The following L2HGDH variants were observed in gnomAD, a reference collection of about 807,000 sequenced individuals.
L2HGDH encodes L-2-hydroxyglutarate dehydrogenase, mitochondrial.
L2HGDH carries 34 observed loss-of-function variants against 51.5 expected under a neutral mutation model. The ratio of observed to expected loss-of-function variants is 0.66; its 90% CI spans 0.50 to 0.88. L2HGDH has a LOEUF of 0.88. Among genes scored for constraint, L2HGDH ranks in the 40% least tolerant of loss-of-function variants. The pLI, the probability that L2HGDH is intolerant of heterozygous loss-of-function variation, is 0.00. For synonymous variants in L2HGDH, 198 were observed against 197.9 expected (o/e 1.00, Z -0.01); for missense variants, 558 against 571.9 (o/e 0.98, Z 0.25).
intron 5 of L2HGDH, among the ~76,000 whole-genome samples, chr14:50,282,276 C>G (rs1890316682): frequency 6.6e-6 from 1 of 152,100 alleles, no homozygotes; most frequent in Non-Finnish European, 1.5e-5. Context: ...GCCCCAATAT[C>G]AATAGTGTCA....
At chr14:50,303,559 T>G (rs1425272218) in intron 1 of L2HGDH, among the ~76,000 whole-genome samples, 26 of 149,928 alleles carry the variant, frequency 1.7e-4, no homozygotes, top group Admixed American at 1.7e-3. Flanking sequence ...GGTGGATCAC[T>G]TGAGGTTAGG....
intron 4 of L2HGDH, chr14:50,287,165 T>G (rs2139172844): frequency 1.0e-6 from 1 of 983,232 alleles, no homozygotes; most frequent in South Asian, 4.7e-5. Flanking sequence ...CATATCTCAC[T>G]GACCTCATTC....
At chr14:50,264,475 T>C (rs1889224625) in intron 9 of L2HGDH, among the ~76,000 whole-genome samples, 1 of 152,188 alleles carries the variant, frequency 6.6e-6, no homozygotes, top group Admixed American at 6.5e-5. Context: ...TTTCCACTTC[T>C]ATCCTGAAAG....
intron 3 of L2HGDH, among the ~76,000 whole-genome samples, chr14:50,299,511 C>G (rs748015617): frequency 5.3e-5 from 8 of 152,094 alleles, no homozygotes; most frequent in Non-Finnish European, 7.4e-5. Context: ...CAGACAAAGA[C>G]ACATCAAAAA....
intron 3 of L2HGDH, among the ~76,000 whole-genome samples, chr14:50,296,742 TA>T (rs1203489341): frequency 5.3e-5 from 8 of 152,130 alleles, no homozygotes; most frequent in Admixed American, 4.6e-4. Flanking sequence ...AGGCCAATAT[TA>T]GTTTGATACT....
At chr14:50,267,052 T>C (rs1422618581) in intron 8 of L2HGDH, among the ~76,000 whole-genome samples, 2 of 152,170 alleles carry the variant, frequency 1.3e-5, no homozygotes, top group African/African-American at 4.8e-5. Context: ...AGAGAATCTA[T>C]TTCCTCCCCC....
At chr14:50,271,947 C>T (rs920407134) in intron 6 of L2HGDH, among the ~76,000 whole-genome samples, 39 of 152,112 alleles carry the variant, frequency 2.6e-4, no homozygotes, top group Non-Finnish European at 5.0e-4. Flanking sequence ...TCAAGACTAG[C>T]CTGGACAACA....
intron 5 of L2HGDH, among the ~76,000 whole-genome samples, chr14:50,280,035 G>A (rs1308449094): frequency 6.7e-6 from 1 of 149,806 alleles, no homozygotes; most frequent in Non-Finnish European, 1.5e-5. Flanking sequence ...ACTCCAGCCT[G>A]GGCAATAGGG....
At chr14:50,309,465 G>A (rs183378974) in intron 1 of L2HGDH, among the ~76,000 whole-genome samples, 2 of 152,156 alleles carry the variant, frequency 1.3e-5, no homozygotes, top group East Asian at 1.9e-4. Context: ...AGGAGGCTGA[G>A]GCAGGAGAAT....
intron 9 of L2HGDH, among the ~76,000 whole-genome samples, chr14:50,255,151 T>C (rs1376737297): frequency 6.6e-6 from 1 of 152,150 alleles, no homozygotes; most frequent in Non-Finnish European, 1.5e-5. Flanking sequence ...TCATTCCCTT[T>C]TCAAGCACTT....
chr14:50,259,742 G>A (rs1595074867), intron 9 of L2HGDH, among the ~76,000 whole-genome samples: 1 of 151,914 alleles, frequency 6.6e-6, no homozygotes, highest in Admixed American at 6.6e-5. Context: ...GCTGAGGCAG[G>A]AGAGTCACCT....
intron 6 of L2HGDH, among the ~76,000 whole-genome samples, chr14:50,274,920 T>C (rs554443087): frequency 5.0e-4 from 63 of 125,654 alleles, no homozygotes; most frequent in African/African-American, 1.8e-3. Context: ...TCTAAAAAAG[T>C]TGAACTCATA....
rs1887871073 is a variant in L2HGDH, at chr14:50,243,338, T to C, written c.*3720A>G. The C allele has an allele frequency of 2.0e-6, 2 of 984,762 alleles. No individual in the cohort carries two copies. Among genetic ancestry groups the C allele is most frequent in the Non-Finnish European group, 2.4e-6 (2 of 829,340 alleles). The allele number at this position is 984,762 out of a possible 1,614,324, so 61.0% of individuals were successfully genotyped here. A position where few individuals can be genotyped will look rare whatever the true frequency, so the allele number is the denominator to read the frequency against. On this transcript the variant is annotated 3_prime_UTR_variant, in exon 10 of 10. Coordinates refer to ENST00000267436, the MANE Select transcript of L2HGDH (RefSeq NM_024884.3). ...ATAAATGACTCAACCTCATTTTGTATTATATACTAACACAGAAATGAGTTT... is the reference window on the plus strand; with the variant it reads ...ATAAATGACTCAACCTCATTTTGTACTATATACTAACACAGAAATGAGTTT...
chr14:50,252,426 T>C (rs970259074), intron 9 of L2HGDH, among the ~76,000 whole-genome samples: 3 of 151,950 alleles, frequency 2.0e-5, no homozygotes, highest in African/African-American at 7.2e-5. Flanking sequence ...TCCTTACTTA[T>C]CAATAATAAC....
chr14:50,285,989 C>G (rs966310991), intron 4 of L2HGDH, among the ~76,000 whole-genome samples: 1 of 152,162 alleles, frequency 6.6e-6, no homozygotes, highest in African/African-American at 2.4e-5. Context: ...CTGGGACTAG[C>G]TGCAAAGGTA....
At chr14:50,294,812 A>G (rs1411840074) in intron 3 of L2HGDH, among the ~76,000 whole-genome samples, 1 of 152,182 alleles carries the variant, frequency 6.6e-6, no homozygotes, top group Non-Finnish European at 1.5e-5. Flanking sequence ...TTTCTTTTCT[A>G]TTTATTTATG....
At chr14:50,248,375 A>G (rs2139925916) in intron 9 of L2HGDH, among the ~76,000 whole-genome samples, 1 of 152,344 alleles carries the variant, frequency 6.6e-6, no homozygotes, top group South Asian at 2.1e-4. Flanking sequence ...TACAAAGAAC[A>G]CTATGAAGGC....
At chr14:50,311,553 T>C (rs1203320088) in intron 1 of L2HGDH, 9 of 444,534 alleles carry the variant, frequency 2.0e-5, no homozygotes, top group Non-Finnish European at 2.7e-5. Context: ...GGCAACACTA[T>C]GCGGGGTGTG....
chr14:50,289,450 T>G (rs1566529734), intron 4 of L2HGDH, among the ~76,000 whole-genome samples: 1 of 152,086 alleles, frequency 6.6e-6, no homozygotes, highest in Non-Finnish European at 1.5e-5. Context: ...AACCATTGAG[T>G]GTGTTAAAAG....
Sources: gnomAD v4.1 joint callset for allele counts (sites outside exome capture counted in the v4.1 genomes callset) on GRCh38, gnomAD v4.1.1 for gene constraint, MANE v1.5 for transcripts, NCBI Gene and HGNC (gene_info 2026-07-23, HGNC 2026-07-21) for gene names.